MAPK10: variants seen among roughly 807,000 people sequenced by gnomAD.
MAPK10 encodes mitogen-activated protein kinase 10, also known as JNK3 alpha protein kinase.
Under a neutral mutation model 59.3 loss-of-function variants are expected in MAPK10, and 25 were observed. The ratio of observed to expected loss-of-function variants is 0.42; its 90% CI spans 0.31 to 0.59. MAPK10 has a LOEUF of 0.59. MAPK10 is among the 20% of genes least tolerant of loss of function. The pLI is 0.15. For synonymous variants in MAPK10, 190 were observed against 200.5 expected, an observed-to-expected ratio of 0.95 and a Z score of 0.44; for missense variants, 351 against 568.9, an observed-to-expected ratio of 0.62 and a Z score of 3.90.
intron 2 of MAPK10, among the ~76,000 whole-genome samples, chr4:86,197,929 G>A (rs1277147618): frequency 6.6e-6 from 1 of 152,058 alleles, no homozygotes; most frequent in African/African-American, 2.4e-5. Context: ...AGAATACAGA[G>A]CCCAGAACAG....
At chr4:86,221,571 C>T (rs879507482) in intron 2 of MAPK10, among the ~76,000 whole-genome samples, 3 of 151,926 alleles carry the variant, frequency 2.0e-5, no homozygotes, top group Non-Finnish European at 4.4e-5. Context: ...ACTGCAGGCT[C>T]GACCTCCCAG....
At chr4:86,424,867 A>G (rs893211463) in intron 1 of MAPK10, among the ~76,000 whole-genome samples, 4 of 152,314 alleles carry the variant, frequency 2.6e-5, no homozygotes, top group East Asian at 1.9e-4. Context: ...CAGTAATTCA[A>G]GCATAATTGA....
chr4:86,345,979 C>T (rs543962685), intron 2 of MAPK10, among the ~76,000 whole-genome samples: 20 of 152,240 alleles, frequency 1.3e-4, no homozygotes, highest in African/African-American at 4.6e-4. Context: ...AAGTCTTCAA[C>T]TAAAAGAACA....
Position 86,359,780 on chromosome 4 carries a change from T to C in MAPK10, c.-244A>G, listed in dbSNP as rs958378801. On this transcript the variant is annotated 5_prime_UTR_variant, in exon 1 of 14. Transcript: ENST00000641462. ...AAGAGATTCTTTGGAGATATGGAGA[T>C]TGTTTAAAATTAACGATGGACAGGT... 4.1e-6 allele frequency: 4 copies of C among 985,558 alleles called. No individual in the cohort carries two copies. The highest frequency in any genetic ancestry group is 1.2e-4 in the Admixed American group (2 of 16,240). 61.1% of individuals were successfully genotyped at this position (985,558 alleles called of 1,614,324 possible).
chr4:86,121,605 C>A (rs146225317), intron 4 of MAPK10, among the ~76,000 whole-genome samples: 39 of 152,060 alleles, frequency 2.6e-4, no homozygotes, highest in African/African-American at 9.4e-4. Context: ...TTTTAATTGA[C>A]AAAAATTGTA....
intron 13 of MAPK10, among the ~76,000 whole-genome samples, chr4:86,019,236 G>A (rs769003734): frequency 1.1e-4 from 16 of 152,166 alleles, no homozygotes; most frequent in East Asian, 3.9e-4. Flanking sequence ...TTCCCTGGTC[G>A]TGATCTTTTA....
intron 2 of MAPK10, among the ~76,000 whole-genome samples, chr4:86,316,427 T>G: frequency 6.6e-6 from 1 of 152,292 alleles, no homozygotes. Context: ...ATATGACTAA[T>G]AATATCTATG....
intron 1 of MAPK10, among the ~76,000 whole-genome samples, chr4:86,521,291 T>A (rs1757087802): frequency 6.6e-6 from 1 of 152,176 alleles, no homozygotes; most frequent in Admixed American, 6.5e-5. Context: ...GGATATAATC[T>A]TACCCTATGT....
chr4:86,063,751 T>C (rs962152718), intron 11 of MAPK10, among the ~76,000 whole-genome samples: 1 of 152,220 alleles, frequency 6.6e-6, no homozygotes, highest in Non-Finnish European at 1.5e-5. Flanking sequence ...CCTGAAGTAA[T>C]GTACTTACTG....
intron 4 of MAPK10, among the ~76,000 whole-genome samples, chr4:86,134,623 G>C (rs761082847): frequency 3.9e-5 from 6 of 152,166 alleles, no homozygotes; most frequent in Non-Finnish European, 7.3e-5. Flanking sequence ...ATTACTTTTA[G>C]TGGTAATAAT....
intron 1 of MAPK10, among the ~76,000 whole-genome samples, chr4:86,381,530 T>C (rs1740709148): frequency 6.6e-6 from 1 of 152,166 alleles, no homozygotes. Context: ...TCAACTGGCT[T>C]CAGCCAATGG....
intron 2 of MAPK10, among the ~76,000 whole-genome samples, chr4:86,314,823 T>A (rs1439320740): frequency 2.0e-5 from 3 of 152,104 alleles, no homozygotes; most frequent in Admixed American, 1.3e-4. Flanking sequence ...TTGATATGCA[T>A]AACAAACTTA....
chr4:86,433,118 A>G (rs765613084), intron 1 of MAPK10, among the ~76,000 whole-genome samples: 1 of 152,204 alleles, frequency 6.6e-6, no homozygotes, highest in Admixed American at 6.5e-5. Context: ...GAGAAACCAC[A>G]CTTGTACAGA....
intron 1 of MAPK10, among the ~76,000 whole-genome samples, chr4:86,541,242 T>G (rs1210059084): frequency 3.3e-5 from 5 of 152,080 alleles, no homozygotes. Flanking sequence ...GGTCCCACAC[T>G]AAAGCCAGGG....
chr4:86,371,263 T>C (rs971744717), intron 1 of MAPK10, among the ~76,000 whole-genome samples: 6 of 152,206 alleles, frequency 3.9e-5, no homozygotes, highest in African/African-American at 1.4e-4. Flanking sequence ...GAAAGCATCC[T>C]CTGTGCCATC....
At chr4:86,058,667 C>A (rs2045118862) in intron 11 of MAPK10, among the ~76,000 whole-genome samples, 1 of 149,464 alleles carries the variant, frequency 6.7e-6, no homozygotes, top group African/African-American at 2.5e-5. Context: ...CTGCTTTTGA[C>A]TTCTGCATTG....
intron 1 of MAPK10, among the ~76,000 whole-genome samples, chr4:86,372,560 G>GA (rs1554253720): frequency 0.016 from 198 of 12,156 alleles, 1 homozygote; most frequent in African/African-American, 0.033. Context: ...AAGAAAGAAA[G>GA]AAAGAAAGAA....
intron 1 of MAPK10, among the ~76,000 whole-genome samples, chr4:86,433,141 T>C (rs973603176): frequency 6.6e-6 from 1 of 152,162 alleles, no homozygotes; most frequent in African/African-American, 2.4e-5. Flanking sequence ...GAGGTTAATA[T>C]GAGAAGCAAG....
At chr4:86,583,944 CAAAG>C in intron 1 of MAPK10, among the ~76,000 whole-genome samples, 1 of 151,988 alleles carries the variant, frequency 6.6e-6, no homozygotes, top group East Asian at 1.9e-4. Context: ...GGTGATTTCT[CAAAG>C]AAAGGGCTGG....
Sources: allele counts gnomAD v4.1 joint callset (sites outside exome capture counted in the v4.1 genomes callset), GRCh38; gene constraint gnomAD v4.1.1; transcripts MANE v1.5; gene names NCBI Gene and HGNC (gene_info 2026-07-23, HGNC 2026-07-21).